The following EZR variants were observed in gnomAD, a reference collection of about 807,000 sequenced individuals.
The protein encoded by EZR is cytovillin 2.
A neutral mutation model predicts 74.8 loss-of-function variants in EZR; 40 were observed. The observed-to-expected ratio is 0.53, with a 90% CI of 0.42 to 0.70. EZR has a LOEUF of 0.70. Ranked by LOEUF, EZR falls within the 30% of genes least tolerant of loss-of-function variation. The probability of loss-of-function intolerance (pLI) is 0.00; values close to 1 mark genes in which losing one functional copy is unlikely to be tolerated. For synonymous variants in EZR, 341 were observed against 283.3 expected (o/e 1.20, Z -2.05); for missense variants, 678 against 755.8 (o/e 0.90, Z 1.21).
At chr6:158,806,127 A>G (rs1161511667) in intron 2 of EZR, among the ~76,000 whole-genome samples, 1 of 152,224 alleles carries the variant, frequency 6.6e-6, no homozygotes, top group Non-Finnish European at 1.5e-5. Flanking sequence ...AATTTTGAGT[A>G]GTGACCTCCT....
chr6:158,769,070 A>G (rs1791011210), intron 12 of EZR, among the ~76,000 whole-genome samples: 1 of 152,236 alleles, frequency 6.6e-6, no homozygotes, highest in Admixed American at 6.5e-5. Flanking sequence ...AAAGTCAATC[A>G]GAGGTCCTCC....
intron 2 of EZR, among the ~76,000 whole-genome samples, chr6:158,791,520 A>G (rs1791744405): frequency 6.6e-6 from 1 of 152,068 alleles, no homozygotes; most frequent in Non-Finnish European, 1.5e-5. Context: ...CAATGACATA[A>G]CACACTAAAA....
At position 158,795,333 on chromosome 6, in the gene EZR, G is replaced by A. The variant is rs1016595936; in HGVS notation, c.13-5962C>T. 1.3e-5 allele frequency among the ~76,000 whole-genome samples: 2 copies of A among 152,052 alleles called. 1 individual carries two copies. Among genetic ancestry groups the A allele is most frequent in the Non-Finnish European group, 2.9e-5 (2 of 68,010 alleles). On this transcript the variant is annotated intron_variant, in intron 2 of 13. Coordinates refer to ENST00000367075, the MANE Select transcript of EZR (RefSeq NM_001111077.2). The stretch of plus-strand genomic sequence containing the variant: ...TCAGGCCTGTAATCGCAGGACTTTG[G>A]GGAGCCAAGGCAGGAGGATCTCAAG...
In EZR at chr6:158,788,981, A is replaced by G. The variant is rs148861760; in HGVS notation, c.96+307T>C. ...ACACACAGGCCAGCACCTCCTTACA[A>G]TGACAAGCACAATAACTCTCTTTTC... On this transcript the variant is annotated intron_variant, in intron 3 of 13. Transcript: ENST00000367075. Among the ~76,000 whole-genome samples the G allele has an allele frequency of 2.7e-4, 41 of 152,274 alleles. 1 individual carries two copies. The East Asian group carries it at 7.1e-3, about 27-fold the overall frequency.
In EZR at chr6:158,818,032, C is replaced by G. The variant is rs1256322462; in HGVS notation, c.12+50G>C. On this transcript the variant is annotated intron_variant, in intron 2 of 13. Coordinates refer to ENST00000367075, the MANE Select transcript of EZR (RefSeq NM_001111077.2). ...AACACCTCGAGCAGGTGCCTCCCCT[C>G]TCCAATGAAGCCTCTCCCGTCCGCC... The G allele has an allele frequency of 5.0e-6, 8 of 1,589,384 alleles. No individual in the cohort carries two copies. The East Asian group carries it at 1.4e-4, about 27-fold the overall frequency.
chr6:158,803,148 CA>C (rs1392018366), intron 2 of EZR, among the ~76,000 whole-genome samples: 1 of 152,030 alleles, frequency 6.6e-6, no homozygotes, highest in African/African-American at 2.4e-5. Flanking sequence ...CAGACGTTAA[CA>C]GGGCAGAGTA....
intron 7 of EZR, among the ~76,000 whole-genome samples, chr6:158,777,119 G>C (rs1343172390): frequency 6.6e-6 from 1 of 152,190 alleles, no homozygotes; most frequent in Admixed American, 6.5e-5. Context: ...ACAGACTGTT[G>C]AATGTTATTT....
intron 2 of EZR, among the ~76,000 whole-genome samples, chr6:158,814,683 A>AC (rs1777517273): frequency 6.6e-6 from 1 of 151,790 alleles, no homozygotes. Context: ...AGCTGGGACT[A>AC]CAGGCATCCA....
chr6:158,802,326 G>A (rs1025213449), intron 2 of EZR, among the ~76,000 whole-genome samples: 1 of 152,178 alleles, frequency 6.6e-6, no homozygotes, highest in Non-Finnish European at 1.5e-5. Flanking sequence ...GAATAAAAAG[G>A]CTTTCGGTAC....
At chr6:158,818,557 G>T (rs1393696974) in intron 1 of EZR, among the ~76,000 whole-genome samples, 3 of 150,976 alleles carry the variant, frequency 2.0e-5, no homozygotes, top group Non-Finnish European at 3.0e-5. Context: ...GGGGGGAGGG[G>T]GCGCGGGCCC....
rs2128564235 is a variant in EZR at position 158,769,404 on chromosome 6, T to C, written c.1266A>G (p.Ala422=). Residue 422 remains alanine (A), a synonymous_variant, in exon 12 of 14, where the codon GCA becomes GCG. Coordinates refer to ENST00000367075, the MANE Select transcript of EZR (RefSeq NM_001111077.2). ...GGAGGGCAATCTTGGCAGTGTATTC[T>C]GCAAGCTCCGCAGCCTGGGAAGGGA... ...KSQEQLAAEL[A]EYTAKIALLE... The C allele has an allele frequency of 6.2e-7, 1 of 1,607,026 alleles. No individual in the cohort carries two copies. The highest frequency in any genetic ancestry group is 8.5e-7 in the Non-Finnish European group (1 of 1,179,976).
chr6:158,792,814 CAAAAA>C (rs571823556), intron 2 of EZR, among the ~76,000 whole-genome samples: 51 of 131,304 alleles, frequency 3.9e-4, no homozygotes, highest in Admixed American at 6.9e-4. Flanking sequence ...GACTCCATCT[CAAAAA>C]AAAAAAAAAG....
At chr6:158,781,549 T>C (rs1791432115) in intron 7 of EZR, among the ~76,000 whole-genome samples, 1 of 152,322 alleles carries the variant, frequency 6.6e-6, no homozygotes. Context: ...GCTGTTTTCC[T>C]GCAGGTTGAA....
At chr6:158,816,788 CAGA>C (rs1777566405) in intron 2 of EZR, among the ~76,000 whole-genome samples, 1 of 152,054 alleles carries the variant, frequency 6.6e-6, no homozygotes, top group Non-Finnish European at 1.5e-5. Context: ...TAAAATGTAA[CAGA>C]AGAAGCACAC....
intron 1 of EZR, among the ~76,000 whole-genome samples, chr6:158,818,901 G>T (rs1202305665): frequency 2.0e-5 from 3 of 152,076 alleles, no homozygotes; most frequent in East Asian, 3.9e-4. Context: ...GCGGGCTCGG[G>T]GTCCGCCGAG....
chr6:158,776,443 T>C lies in EZR; in HGVS notation c.760A>G (p.Lys254Glu), dbSNP rs1791281941. The C allele has an allele frequency of 6.2e-7, 1 of 1,613,794 alleles. No individual in the cohort carries two copies. Among genetic ancestry groups the C allele is most frequent in the Non-Finnish European group, 8.5e-7 (1 of 1,179,944 alleles). The change falls in exon 8 of 14, where the codon AAG becomes GAG. Residue 254 changes from lysine to glutamate, a missense_variant. Lys to Glu is a moderately conservative substitution (Grantham distance 56). This residue lies in a region of EZR where 119 missense variants were observed against 182.3 expected (regional missense o/e 0.65). Transcript: ENST00000367075. ...EIRNISFNDK[K>E]FVIKPIDKKA... Reference sequence around the variant, plus strand: ...TTGTCGATGGGTTTAATGACAAACTTTTTGTCATTGAAAGAGATGTTCCTG... The same window carrying C: ...TTGTCGATGGGTTTAATGACAAACTCTTTGTCATTGAAAGAGATGTTCCTG...
intron 2 of EZR, among the ~76,000 whole-genome samples, chr6:158,815,023 G>A (rs547415567): frequency 6.6e-6 from 1 of 152,284 alleles, no homozygotes; most frequent in African/African-American, 2.4e-5. Flanking sequence ...CAGGTGGAAG[G>A]CCAACTACTC....
rs373390190 is a variant in EZR at position 158,785,620 on chromosome 6, G to C, written c.193-37C>G. On this transcript the variant is annotated intron_variant, in intron 4 of 13. Coordinates refer to ENST00000367075, the MANE Select transcript of EZR (RefSeq NM_001111077.2). ...AAGCCACACTCTCCACACAAATCCG[G>C]AAGACGAAGGCCCACTGTCCCCAAC... The C allele has an allele frequency of 1.9e-6, 3 of 1,604,244 alleles. No homozygotes were observed. In the African/African-American group the frequency reaches 4.0e-5, roughly 21 times the overall value.
intron 6 of EZR, 64 bp from the exon 7 acceptor site, chr6:158,783,730 C>T (rs777254530): frequency 3.1e-5 from 47 of 1,531,240 alleles, no homozygotes; most frequent in South Asian, 2.1e-4. Flanking sequence ...ACAGTAAAAC[C>T]TTTCCAGTAT....
Sources: allele counts gnomAD v4.1 joint callset (sites outside exome capture counted in the v4.1 genomes callset), GRCh38; gene constraint gnomAD v4.1.1; regional missense constraint gnomAD v4.1.1; transcripts MANE v1.5; gene names NCBI Gene and HGNC (gene_info 2026-07-23, HGNC 2026-07-21).